ADAMTSL3: variants seen among roughly 807,000 people sequenced by gnomAD.
ADAMTSL3 encodes ADAMTS-like protein 3.
In ADAMTSL3, 128 loss-of-function variants were observed where a neutral mutation model predicts 201.7. The ratio of observed to expected loss-of-function variants is 0.63; its 90% CI spans 0.55 to 0.73. ADAMTSL3 has a LOEUF of 0.73. Ranked by LOEUF, ADAMTSL3 falls within the 30% of genes least tolerant of loss-of-function variation. The pLI is 0.00. For missense variants in ADAMTSL3, 1,990 were observed against 2,119.6 expected (o/e 0.94, Z 1.20); for synonymous variants, 738 against 748.4 (o/e 0.99, Z 0.23).
intron 20 of ADAMTSL3, 74 bp downstream of exon 20, chr15:83,970,711 A>G (rs1387644789): frequency 7.7e-6 from 12 of 1,553,002 alleles, no homozygotes; most frequent in East Asian, 4.5e-5. Flanking sequence ...TTTATTTTCC[A>G]TACGTCAACA....
intron 7 of ADAMTSL3, among the ~76,000 whole-genome samples, chr15:83,855,760 T>G (rs2064718144): frequency 1.3e-5 from 2 of 152,198 alleles, no homozygotes; most frequent in African/African-American, 2.4e-5. Context: ...AAATGTTGGT[T>G]CTGACCATGT....
At chr15:83,885,373 G>T (rs1445225636) in intron 10 of ADAMTSL3, among the ~76,000 whole-genome samples, 161 bp downstream of exon 10, 1 of 151,822 alleles carries the variant, frequency 6.6e-6, no homozygotes, top group African/African-American at 2.4e-5. Flanking sequence ...TAATGAAGAA[G>T]ATGCATTTGC....
In ADAMTSL3 at chr15:83,664,101, C is replaced by T. The variant is rs2061214939; in HGVS notation, c.69+8271C>T. The stretch of plus-strand genomic sequence containing the variant: ...GGAGACCCAGGTCTCATGACGATGT[C>T]GTCTCTCAAATGTAAACTTTTGAGG... On this transcript the variant is annotated intron_variant, in intron 2 of 29. Transcript: ENST00000286744. 2.0e-5 allele frequency among the ~76,000 whole-genome samples: 3 copies of T among 152,254 alleles called. No individual in the cohort carries two copies. In the East Asian group the frequency reaches 5.8e-4, roughly 29 times the overall value.
chr15:83,890,321 T>G, intron 11 of ADAMTSL3, 74 bp downstream of exon 11: 1 of 1,549,512 alleles, frequency 6.5e-7, no homozygotes. Context: ...GATCAATCTT[T>G]GCAGGGCAAT....
Position 83,965,822 on chromosome 15 carries a change from TAACA to T in ADAMTSL3, c.2491-4657_2491-4654del, listed in dbSNP as rs766982060. Reference sequence around the variant, plus strand: ...AGCAAATACAAAAGAGTGGAAATTTTAACAAACAGTCTCTCAGACCACAGTGCAG... The same window carrying T: ...AGCAAATACAAAAGAGTGGAAATTTTAACAGTCTCTCAGACCACAGTGCAG... On this transcript the variant is annotated intron_variant, in intron 19 of 29. Coordinates refer to ENST00000286744, the MANE Select transcript of ADAMTSL3 (RefSeq NM_207517.3). Among the ~76,000 whole-genome samples, 43 of 152,270 alleles carry T rather than the reference TAACA, an allele frequency of 2.8e-4. 1 individual carries two copies. Among genetic ancestry groups the T allele is most frequent in the African/African-American group, 7.9e-4 (33 of 41,538 alleles).
chr15:83,812,658 A>G (rs961814241), intron 5 of ADAMTSL3, among the ~76,000 whole-genome samples: 5 of 152,178 alleles, frequency 3.3e-5, no homozygotes, highest in African/African-American at 1.2e-4. Context: ...TATTCCAGAG[A>G]TTGCTAAAAG....
intron 7 of ADAMTSL3, among the ~76,000 whole-genome samples, chr15:83,852,306 G>T (rs1187872905): frequency 1.3e-5 from 2 of 152,008 alleles, no homozygotes; most frequent in Non-Finnish European, 2.9e-5. Flanking sequence ...TAGAGACAGG[G>T]TTTCACCATG....
chr15:83,948,702 T>G (rs1385125211), intron 19 of ADAMTSL3, among the ~76,000 whole-genome samples: 1 of 152,204 alleles, frequency 6.6e-6, no homozygotes, highest in African/African-American at 2.4e-5. Context: ...TTGATCTAAA[T>G]GCATTAACTG....
intron 23 of ADAMTSL3, among the ~76,000 whole-genome samples, chr15:84,012,373 T>G (rs2068020975): frequency 6.6e-6 from 1 of 152,192 alleles, no homozygotes; most frequent in Non-Finnish European, 1.5e-5. Flanking sequence ...AAGTTCCCAT[T>G]TTCTTGATAG....
intron 17 of ADAMTSL3, among the ~76,000 whole-genome samples, chr15:83,942,057 T>C (rs1191629874): frequency 6.6e-6 from 1 of 152,140 alleles, no homozygotes; most frequent in Non-Finnish European, 1.5e-5. Flanking sequence ...GCTGCCCTGG[T>C]TTTTCATTTT....
intron 8 of ADAMTSL3, among the ~76,000 whole-genome samples, chr15:83,867,888 T>A (rs2065008700): frequency 6.6e-6 from 1 of 152,206 alleles, no homozygotes; most frequent in African/African-American, 2.4e-5. Context: ...TAGGCATAAT[T>A]TCTTTTACAA....
At chr15:83,712,950 A>C (rs530161756) in intron 3 of ADAMTSL3, among the ~76,000 whole-genome samples, 2 of 152,090 alleles carry the variant, frequency 1.3e-5, no homozygotes, top group African/African-American at 4.8e-5. Flanking sequence ...ACCTCCTCCT[A>C]TGCATGCTTC....
intron 8 of ADAMTSL3, chr15:83,861,524 G>A (rs2064860908): frequency 6.1e-6 from 1 of 163,956 alleles, no homozygotes; most frequent in Non-Finnish European, 1.3e-5. Context: ...GTCTGGAGTG[G>A]ACCTCCAGCA....
chr15:83,987,082 A>G (rs1246168508), intron 21 of ADAMTSL3, among the ~76,000 whole-genome samples: 1 of 152,254 alleles, frequency 6.6e-6, no homozygotes, highest in Non-Finnish European at 1.5e-5. Flanking sequence ...TCATGCAAAC[A>G]TATATATGAA....
At chr15:83,803,293 A>G (rs182501763) in intron 4 of ADAMTSL3, among the ~76,000 whole-genome samples, 2 of 152,164 alleles carry the variant, frequency 1.3e-5, no homozygotes, top group Non-Finnish European at 2.9e-5. Context: ...ATCAGAAAGC[A>G]TATGCAATGA....
chr15:83,885,544 A>C (rs536079927), intron 10 of ADAMTSL3, among the ~76,000 whole-genome samples: 3 of 151,946 alleles, frequency 2.0e-5, no homozygotes, highest in Non-Finnish European at 4.4e-5. Flanking sequence ...TTAATTTTCT[A>C]TGAAAAATCT....
intron 4 of ADAMTSL3, among the ~76,000 whole-genome samples, chr15:83,799,614 G>C (rs1445639051): frequency 2.0e-5 from 3 of 152,204 alleles, no homozygotes; most frequent in Non-Finnish European, 2.9e-5. Context: ...ATAGTGCTAT[G>C]AACTCCAGGG....
intron 17 of ADAMTSL3, among the ~76,000 whole-genome samples, chr15:83,940,062 A>T (rs947046036): frequency 6.6e-6 from 1 of 151,910 alleles, no homozygotes; most frequent in Non-Finnish European, 1.5e-5. Flanking sequence ...TTATTGTCAA[A>T]CTTTTTTAAT....
rs1404712557 is a variant in ADAMTSL3 at position 83,982,773 on chromosome 15, C to T, written c.3145C>T (p.His1049Tyr). Residue 1049 changes from histidine to tyrosine, a missense_variant, in exon 21 of 30, where the codon CAC becomes TAC. Coordinates refer to ENST00000286744, the MANE Select transcript of ADAMTSL3 (RefSeq NM_207517.3). ...AAATGACCTTTATCTGGATGATGAC[C>T]ACATTAGTAACCAGCCTTTCTTGAG... The part of the protein sequence containing the change: ...NKNDLYLDDD[H>Y]ISNQPFLRAL... 1.2e-6 allele frequency: 2 copies of T among 1,614,036 alleles called. No individual in the cohort carries two copies. The highest frequency in any genetic ancestry group is 1.1e-5 in the South Asian group (1 of 91,066).
Sources: allele counts gnomAD v4.1 joint callset (sites outside exome capture counted in the v4.1 genomes callset), GRCh38; gene constraint gnomAD v4.1.1; transcripts MANE v1.5; gene names NCBI Gene and HGNC (gene_info 2026-07-23, HGNC 2026-07-21).